The following CDH18 variants were observed in gnomAD, a reference collection of about 807,000 sequenced individuals.
The protein encoded by CDH18 is cadherin 18, also known as cadherin-18.
In CDH18, 31 loss-of-function variants were observed where a neutral mutation model predicts 67.9. The observed-to-expected ratio is 0.46, with a 90% CI of 0.34 to 0.62. CDH18 has a LOEUF of 0.62. Ranked by LOEUF, CDH18 falls within the 20% of genes least tolerant of loss-of-function variation. The pLI is 0.01. For missense variants in CDH18, 890 were observed against 975.5 expected, an observed-to-expected ratio of 0.91 and a Z score of 1.17; for synonymous variants, 362 against 347.2, an observed-to-expected ratio of 1.04 and a Z score of -0.48.
chr5:19,978,873 A>C (rs1380212085), intron 2 of CDH18, among the ~76,000 whole-genome samples: 1 of 152,144 alleles, frequency 6.6e-6, no homozygotes, highest in Non-Finnish European at 1.5e-5. Context: ...TCTAATAGAC[A>C]ACCTTAATTC....
At chr5:19,906,325 G>A (rs535734610) in intron 2 of CDH18, among the ~76,000 whole-genome samples, 3 of 151,814 alleles carry the variant, frequency 2.0e-5, no homozygotes, top group Non-Finnish European at 4.4e-5. Flanking sequence ...ATCTAAATGT[G>A]TAATACAGGT....
chr5:20,252,349 CAAACAAA>C (rs952763725), intron 2 of CDH18, among the ~76,000 whole-genome samples: 3 of 148,904 alleles, frequency 2.0e-5, no homozygotes, highest in Admixed American at 6.7e-5. Flanking sequence ...GACTCTGTCT[CAAACAAA>C]AAACAAAAAA....
At chr5:19,536,141 A>G (rs1248535161) in intron 9 of CDH18, among the ~76,000 whole-genome samples, 4 of 152,190 alleles carry the variant, frequency 2.6e-5, no homozygotes, top group African/African-American at 4.8e-5. Flanking sequence ...ATGAACAAAG[A>G]TAAGTTAGAC....
intron 5 of CDH18, among the ~76,000 whole-genome samples, chr5:19,636,445 G>T (rs1463963308): frequency 6.6e-6 from 1 of 151,694 alleles, no homozygotes; most frequent in Non-Finnish European, 1.5e-5. Context: ...CTAAAATGTT[G>T]TACTTTATTT....
At chr5:19,599,522 G>C (rs1203210242) in intron 6 of CDH18, among the ~76,000 whole-genome samples, 2 of 152,118 alleles carry the variant, frequency 1.3e-5, no homozygotes, top group Non-Finnish European at 2.9e-5. Context: ...ATACATAAGT[G>C]AGAAAAGAAC....
intron 2 of CDH18, among the ~76,000 whole-genome samples, chr5:19,911,258 C>T (rs1414763999): frequency 6.6e-6 from 1 of 152,060 alleles, no homozygotes; most frequent in Non-Finnish European, 1.5e-5. Context: ...GATTCTCATT[C>T]TTATTACAAA....
intron 2 of CDH18, among the ~76,000 whole-genome samples, chr5:20,039,391 C>T (rs1320633957): frequency 1.3e-5 from 2 of 152,112 alleles, no homozygotes; most frequent in African/African-American, 4.8e-5. Flanking sequence ...GTAGTCAACA[C>T]ATTCCTAAGC....
At chr5:20,107,020 T>A (rs1747001440) in intron 2 of CDH18, among the ~76,000 whole-genome samples, 1 of 152,320 alleles carries the variant, frequency 6.6e-6, no homozygotes, top group Non-Finnish European at 1.5e-5. Flanking sequence ...TGGGTCTTTG[T>A]TTTTTACACT....
chr5:20,233,515 A>G (rs1742236723), intron 2 of CDH18, among the ~76,000 whole-genome samples: 1 of 151,874 alleles, frequency 6.6e-6, no homozygotes. Flanking sequence ...TCTTTTTTCT[A>G]ATGAGAAATA....
chr5:20,563,158 A>C (rs1758315367), intron 1 of CDH18, among the ~76,000 whole-genome samples: 1 of 152,060 alleles, frequency 6.6e-6, no homozygotes, highest in Non-Finnish European at 1.5e-5. Flanking sequence ...TCTCTGCAAC[A>C]AATAATATAT....
At chr5:20,365,672 G>C (rs887891035) in intron 1 of CDH18, among the ~76,000 whole-genome samples, 2 of 151,976 alleles carry the variant, frequency 1.3e-5, no homozygotes. Context: ...CCCTATACCA[G>C]TTACAAAATT....
intron 9 of CDH18, among the ~76,000 whole-genome samples, chr5:19,524,465 ATAAT>A (rs1243828851): frequency 1.8e-4 from 27 of 151,712 alleles, no homozygotes; most frequent in African/African-American, 4.4e-4. Context: ...AACTAACATA[ATAAT>A]TAGTCAAAAT....
intron 8 of CDH18, among the ~76,000 whole-genome samples, chr5:19,567,889 A>C (rs1740706602): frequency 6.6e-6 from 1 of 152,146 alleles, no homozygotes; most frequent in Non-Finnish European, 1.5e-5. Flanking sequence ...GCTCTCAGTG[A>C]TATAGGACAA....
intron 1 of CDH18, among the ~76,000 whole-genome samples, chr5:20,561,193 T>C (rs576716254): frequency 6.6e-6 from 1 of 152,224 alleles, no homozygotes; most frequent in Admixed American, 6.6e-5. Context: ...GGAAGACAGT[T>C]GGCCAGTTTT....
At chr5:20,444,935 T>C (rs1481578422) in intron 1 of CDH18, among the ~76,000 whole-genome samples, 1 of 152,170 alleles carries the variant, frequency 6.6e-6, no homozygotes, top group East Asian at 1.9e-4. Context: ...AAAGCAAGAA[T>C]TGGTTGTAAA....
At chr5:20,568,456 A>G (rs1049915478) in intron 1 of CDH18, among the ~76,000 whole-genome samples, 3 of 152,178 alleles carry the variant, frequency 2.0e-5, no homozygotes. Flanking sequence ...TCAAGGAGTT[A>G]ATTATATTGA....
intron 2 of CDH18, among the ~76,000 whole-genome samples, chr5:20,103,811 A>AT (rs1178557499): frequency 1.7e-3 from 13 of 7,470 alleles, no homozygotes; most frequent in Non-Finnish European, 9.4e-3. Flanking sequence ...AGAAACCAAA[A>AT]GAAAAAAAAA....
At chr5:20,024,679 T>C (rs186104762) in intron 2 of CDH18, among the ~76,000 whole-genome samples, 33 of 152,258 alleles carry the variant, frequency 2.2e-4, no homozygotes, top group Admixed American at 5.2e-4. Context: ...ATCAGATGAA[T>C]AAAATTCTCA....
intron 1 of CDH18, among the ~76,000 whole-genome samples, chr5:20,289,701 A>C (rs1200000246): frequency 6.6e-6 from 1 of 151,854 alleles, no homozygotes; most frequent in African/African-American, 2.4e-5. Flanking sequence ...ATATATATTA[A>C]AATATATATT....
Sources: allele counts gnomAD v4.1 joint callset (sites outside exome capture counted in the v4.1 genomes callset), GRCh38; gene constraint gnomAD v4.1.1; transcripts MANE v1.5; gene names NCBI Gene and HGNC (gene_info 2026-07-23, HGNC 2026-07-21).